The following EFNA5 variants were observed in gnomAD, a reference collection of about 807,000 sequenced individuals.
EFNA5 encodes the protein ephrin A5.
A neutral mutation model predicts 22.9 loss-of-function variants in EFNA5; 5 were observed. That is an observed-to-expected ratio of 0.22 (90% CI 0.11 to 0.46). The LOEUF is 0.46. Ranked by LOEUF, EFNA5 falls within the 20% of genes least tolerant of loss-of-function variation. EFNA5 has a pLI of 0.99. For missense variants in EFNA5, 237 were observed against 293.3 expected, an observed-to-expected ratio of 0.81 and a Z score of 1.40; for synonymous variants, 113 against 112.2, an observed-to-expected ratio of 1.01 and a Z score of -0.04.
chr5:107,598,202 C>T (rs1283236648), intron 1 of EFNA5, among the ~76,000 whole-genome samples: 1 of 152,064 alleles, frequency 6.6e-6, no homozygotes, highest in Non-Finnish European at 1.5e-5. Context: ...CTCTCAGTAA[C>T]AAAGAGGAAA....
At chr5:107,544,378 T>G (rs1748107617) in intron 1 of EFNA5, among the ~76,000 whole-genome samples, 1 of 152,208 alleles carries the variant, frequency 6.6e-6, no homozygotes, top group Non-Finnish European at 1.5e-5. Flanking sequence ...CATAGTGTCC[T>G]TGAACACCTG....
intron 1 of EFNA5, among the ~76,000 whole-genome samples, chr5:107,429,031 C>G (rs1468743155): frequency 6.6e-6 from 1 of 152,208 alleles, no homozygotes; most frequent in African/African-American, 2.4e-5. Flanking sequence ...ATTCTAGATT[C>G]TTGACCCTTC....
At chr5:107,630,870 A>G (rs1290755008) in intron 1 of EFNA5, among the ~76,000 whole-genome samples, 1 of 151,960 alleles carries the variant, frequency 6.6e-6, no homozygotes, top group Non-Finnish European at 1.5e-5. Flanking sequence ...TTTACTTTTT[A>G]AACTTTTGTT....
intron 1 of EFNA5, among the ~76,000 whole-genome samples, chr5:107,643,076 T>C (rs1014569470): frequency 6.6e-6 from 1 of 152,090 alleles, no homozygotes; most frequent in Admixed American, 6.5e-5. Flanking sequence ...AAGAAAACTA[T>C]TAGGAGGGCC....
chr5:107,484,140 G>A (rs915279599), intron 1 of EFNA5, among the ~76,000 whole-genome samples: 1 of 152,124 alleles, frequency 6.6e-6, no homozygotes, highest in Non-Finnish European at 1.5e-5. Flanking sequence ...CTCCTAATTA[G>A]TGCAAAACAG....
intron 1 of EFNA5, among the ~76,000 whole-genome samples, chr5:107,574,307 C>T (rs1222575724): frequency 6.6e-6 from 1 of 151,978 alleles, no homozygotes; most frequent in African/African-American, 2.4e-5. Context: ...GGTTGATTTT[C>T]GGGAGTACTC....
chr5:107,469,246 A>C (rs545361831), intron 1 of EFNA5, among the ~76,000 whole-genome samples: 1 of 152,092 alleles, frequency 6.6e-6, no homozygotes, highest in South Asian at 2.1e-4. Flanking sequence ...CTGCAGTTAC[A>C]CTTTCAGGCC....
chr5:107,496,238 G>C (rs181221683), intron 1 of EFNA5, among the ~76,000 whole-genome samples: 1 of 147,216 alleles, frequency 6.8e-6, no homozygotes, highest in South Asian at 2.1e-4. Context: ...CCAGCTACTC[G>C]GAAAACAGAA....
chr5:107,492,275 C>A (rs61275538), intron 1 of EFNA5, among the ~76,000 whole-genome samples: 20,515 of 152,006 alleles, frequency 0.13, 1,492 homozygotes, highest in East Asian at 0.2. Flanking sequence ...ATTCAAAATA[C>A]ATTTTGGAAA....
intron 1 of EFNA5, among the ~76,000 whole-genome samples, chr5:107,561,969 C>T (rs1352215450): frequency 6.6e-6 from 1 of 152,150 alleles, no homozygotes; most frequent in Non-Finnish European, 1.5e-5. Context: ...GCAGTGTTGA[C>T]TACACAGCCT....
At chr5:107,509,375 A>T (rs934412868) in intron 1 of EFNA5, among the ~76,000 whole-genome samples, 3 of 151,262 alleles carry the variant, frequency 2.0e-5, no homozygotes, top group African/African-American at 7.3e-5. Context: ...CTGCAGTGCA[A>T]TGGTGCGATC....
intron 1 of EFNA5, among the ~76,000 whole-genome samples, chr5:107,577,265 T>C (rs1015384128): frequency 6.6e-6 from 1 of 152,050 alleles, no homozygotes; most frequent in African/African-American, 2.4e-5. Flanking sequence ...AAATCTTGCT[T>C]GGGAACGTAG....
intron 1 of EFNA5, among the ~76,000 whole-genome samples, chr5:107,542,252 G>A (rs968046692): frequency 6.6e-6 from 1 of 152,034 alleles, no homozygotes; most frequent in African/African-American, 2.4e-5. Flanking sequence ...TAAGAAACAA[G>A]AGCCTCCTGC....
At chr5:107,405,286 A>G (rs1748178104) in intron 2 of EFNA5, among the ~76,000 whole-genome samples, 1 of 152,194 alleles carries the variant, frequency 6.6e-6, no homozygotes, top group Non-Finnish European at 1.5e-5. Flanking sequence ...ATGCTGTGCC[A>G]CGAGAACCAA....
chr5:107,501,646 TATC>T (rs1197197314), intron 1 of EFNA5, among the ~76,000 whole-genome samples: 2 of 152,250 alleles, frequency 1.3e-5, no homozygotes, highest in East Asian at 1.9e-4. Context: ...AAAACTGTAA[TATC>T]ATTTTAATAC....
chr5:107,381,626 C>T lies in EFNA5; in HGVS notation c.566-250G>A, dbSNP rs117683558. Among the ~76,000 whole-genome samples the T allele has an allele frequency of 3.0e-4, 46 of 152,202 alleles. 1 individual carries two copies. The East Asian group carries it at 5.6e-3, about 19-fold the overall frequency. ...TTGAGGGGAAAAATTATGCATACAC[C>T]GTAACCTTTGGCCTGTGAGCTGCTT... On this transcript the variant is annotated intron_variant, in intron 4 of 4. Coordinates refer to ENST00000333274, the MANE Select transcript of EFNA5 (RefSeq NM_001962.3).
intron 1 of EFNA5, among the ~76,000 whole-genome samples, chr5:107,647,008 T>C (rs1379782064): frequency 4.6e-5 from 7 of 152,006 alleles, no homozygotes; most frequent in Non-Finnish European, 1.0e-4. Flanking sequence ...AAATAACATA[T>C]CAAAGACAAT....
intron 1 of EFNA5, among the ~76,000 whole-genome samples, chr5:107,444,759 T>G (rs1285971198): frequency 1.3e-5 from 2 of 152,160 alleles, no homozygotes; most frequent in Non-Finnish European, 2.9e-5. Flanking sequence ...AAGTAAAATT[T>G]TCTTTACTAT....
At chr5:107,551,603 T>C (rs560192364) in intron 1 of EFNA5, among the ~76,000 whole-genome samples, 10 of 152,056 alleles carry the variant, frequency 6.6e-5, no homozygotes, top group Non-Finnish European at 1.5e-4. Context: ...GAGGGATCCA[T>C]ACAAGAATTT....
Sources: gnomAD v4.1 joint callset for allele counts (sites outside exome capture counted in the v4.1 genomes callset) on GRCh38, gnomAD v4.1.1 for gene constraint, MANE v1.5 for transcripts, NCBI Gene and HGNC (gene_info 2026-07-23, HGNC 2026-07-21) for gene names.